CA10: variants seen among roughly 807,000 people sequenced by gnomAD.
CA10 encodes the protein carbonic anhydrase 10 (inactive).
A neutral mutation model predicts 44.2 loss-of-function variants in CA10; 14 were observed. That is an observed-to-expected ratio of 0.32 (90% CI 0.21 to 0.50). The LOEUF (loss-of-function observed/expected upper bound fraction) is 0.50. Among genes scored for constraint, CA10 ranks in the 20% least tolerant of loss-of-function variants. The pLI is 0.99. For synonymous variants in CA10, 159 were observed against 141.6 expected, an observed-to-expected ratio of 1.12 and a Z score of -0.87; for missense variants, 350 against 409.7, an observed-to-expected ratio of 0.85 and a Z score of 1.26.
chr17:51,957,534 A>C (rs763811407), intron 2 of CA10, among the ~76,000 whole-genome samples: 1 of 151,996 alleles, frequency 6.6e-6, no homozygotes, highest in Non-Finnish European at 1.5e-5. Context: ...TTCCACATAG[A>C]GGGTGGATGC....
chr17:51,997,805 T>C (rs1985289294), intron 2 of CA10, among the ~76,000 whole-genome samples: 1 of 151,926 alleles, frequency 6.6e-6, no homozygotes, highest in Non-Finnish European at 1.5e-5. Flanking sequence ...GTCTAAAAAA[T>C]TAAAAGAACA....
intron 3 of CA10, among the ~76,000 whole-genome samples, chr17:51,815,678 C>A (rs1273875593): frequency 1.3e-5 from 2 of 152,068 alleles, no homozygotes; most frequent in Non-Finnish European, 2.9e-5. Context: ...ATCAGGAGTT[C>A]TTAAACTTAA....
chr17:51,637,185 C>G (rs1912871163), intron 6 of CA10, among the ~76,000 whole-genome samples: 1 of 152,068 alleles, frequency 6.6e-6, no homozygotes, highest in Admixed American at 6.6e-5. Context: ...AAATACCATA[C>G]TTAGTATTCC....
chr17:52,132,690 A>T (rs529790547), intron 1 of CA10, among the ~76,000 whole-genome samples: 1 of 152,208 alleles, frequency 6.6e-6, no homozygotes, highest in Non-Finnish European at 1.5e-5. Context: ...AAGTTAGCTT[A>T]TAGGCAGTTC....
At chr17:51,844,906 G>A (rs551694485) in intron 3 of CA10, among the ~76,000 whole-genome samples, 5 of 152,292 alleles carry the variant, frequency 3.3e-5, no homozygotes, top group South Asian at 2.1e-4. Context: ...TAGGGTCTTT[G>A]CAGATATAAT....
At position 51,693,675 on chromosome 17, in the gene CA10, T is replaced by C. The variant is rs1477101426; in HGVS notation, c.466-39939A>G. Among the ~76,000 whole-genome samples, 14 of 152,326 alleles carry C rather than the reference T, an allele frequency of 9.2e-5. No individual in the cohort carries two copies. The East Asian group carries it at 2.5e-3, about 27-fold the overall frequency. On this transcript the variant is annotated intron_variant, in intron 4 of 8. Coordinates refer to ENST00000451037, the MANE Select transcript of CA10 (RefSeq NM_020178.5). The stretch of plus-strand genomic sequence containing the variant: ...TATTCCTGCAAAAATCATGATTTCA[T>C]TCTTTTTTTATTTCTGTGTAGCATT...
chr17:51,857,682 T>C (rs187875468), intron 3 of CA10, among the ~76,000 whole-genome samples: 2 of 152,256 alleles, frequency 1.3e-5, no homozygotes, highest in Admixed American at 1.3e-4. Flanking sequence ...CCTAATGTTC[T>C]ATTCCCACAG....
At chr17:51,931,334 T>C (rs1982652322) in intron 2 of CA10, among the ~76,000 whole-genome samples, 1 of 152,104 alleles carries the variant, frequency 6.6e-6, no homozygotes, top group African/African-American at 2.4e-5. Flanking sequence ...CATGGTCTCT[T>C]GTCATCAGAT....
intron 6 of CA10, among the ~76,000 whole-genome samples, chr17:51,648,073 G>A (rs925609266): frequency 1.3e-5 from 2 of 152,344 alleles, no homozygotes; most frequent in South Asian, 4.1e-4. Context: ...CTGTCATGGG[G>A]CAGGCATGCA....
chr17:51,816,974 CCTTT>C (rs953834634), intron 3 of CA10, among the ~76,000 whole-genome samples: 2 of 152,146 alleles, frequency 1.3e-5, no homozygotes, highest in African/African-American at 4.8e-5. Context: ...AAGGAATAAG[CCTTT>C]CTTGTGTTAT....
chr17:51,953,770 T>C (rs573004996), intron 2 of CA10, among the ~76,000 whole-genome samples: 5 of 152,294 alleles, frequency 3.3e-5, no homozygotes, highest in African/African-American at 1.2e-4. Context: ...ATTTTGGTTA[T>C]TGTGATGGCA....
rs188773750 is a variant in CA10, at chr17:51,715,309, A to T, written c.465+32324T>A. On this transcript the variant is annotated intron_variant, in intron 4 of 8. Coordinates refer to ENST00000451037, the MANE Select transcript of CA10 (RefSeq NM_020178.5). ...TGCAGCACACCAACATGGCACACGT[A>T]TACATATGTAAGAAACCTGCACATG... is the stretch of plus-strand genomic sequence containing the variant. Among the ~76,000 whole-genome samples, 132 of 152,262 alleles carry T rather than the reference A, an allele frequency of 8.7e-4. 2 individuals carry two copies. Among genetic ancestry groups the T allele is most frequent in the African/African-American group, 2.9e-3 (121 of 41,552 alleles).
chr17:52,077,158 C>T (rs1987838261), intron 1 of CA10, among the ~76,000 whole-genome samples: 1 of 152,112 alleles, frequency 6.6e-6, no homozygotes, highest in Non-Finnish European at 1.5e-5. Flanking sequence ...TTCATTGCTC[C>T]AATGGCTTCT....
intron 1 of CA10, among the ~76,000 whole-genome samples, chr17:52,080,116 C>T (rs149107512): frequency 0.01 from 1,549 of 152,260 alleles, 24 homozygotes; most frequent in African/African-American, 0.035. Context: ...TGGCGGGTAG[C>T]CCGTATTACT....
chr17:51,974,532 A>T (rs565670650), intron 2 of CA10, among the ~76,000 whole-genome samples: 264 of 152,200 alleles, frequency 1.7e-3, no homozygotes, highest in Non-Finnish European at 2.8e-3. Flanking sequence ...AAAAAAAGAA[A>T]GAAAAGAGCT....
At chr17:51,749,654 T>C (rs1904826192) in intron 3 of CA10, among the ~76,000 whole-genome samples, 2 of 152,242 alleles carry the variant, frequency 1.3e-5, no homozygotes, top group African/African-American at 4.8e-5. Flanking sequence ...AGTCATCTTC[T>C]TTCTCCTGTG....
At chr17:51,924,357 G>A (rs565246540) in intron 3 of CA10, among the ~76,000 whole-genome samples, 11 of 152,322 alleles carry the variant, frequency 7.2e-5, no homozygotes, top group African/African-American at 2.6e-4. Context: ...AAATGTCTGT[G>A]GAAAGGAGAT....
intron 4 of CA10, among the ~76,000 whole-genome samples, chr17:51,735,909 G>T (rs1916888917): frequency 1.1e-5 from 1 of 89,446 alleles, no homozygotes; most frequent in Non-Finnish European, 2.6e-5. Context: ...TTGCAAATCA[G>T]TGATTGCCGG....
intron 4 of CA10, among the ~76,000 whole-genome samples, chr17:51,738,795 C>A (rs1365419782): frequency 1.3e-5 from 2 of 152,264 alleles, no homozygotes; most frequent in Non-Finnish European, 2.9e-5. Context: ...GGTGACTAAA[C>A]CAGGTGACCT....
Sources: allele counts gnomAD v4.1 joint callset (sites outside exome capture counted in the v4.1 genomes callset), GRCh38; gene constraint gnomAD v4.1.1; transcripts MANE v1.5; gene names NCBI Gene and HGNC (gene_info 2026-07-23, HGNC 2026-07-21).